Variants in DNAH7 observed in about 807,000 individuals in gnomAD.
DNAH7 encodes the protein dynein axonemal heavy chain 7.
Under a neutral mutation model 444.6 loss-of-function variants are expected in DNAH7, and 397 were observed. That is an observed-to-expected ratio of 0.89 (90% CI 0.82 to 0.97). The LOEUF (loss-of-function observed/expected upper bound fraction) is 0.97. DNAH7 is among the 50% of genes least tolerant of loss of function. DNAH7 has a pLI of 0.00. For missense variants in DNAH7, 4,902 were observed against 4,800.8 expected (o/e 1.02, Z -0.62); for synonymous variants, 1,636 against 1,624.4 (o/e 1.01, Z -0.17).
At chr2:196,058,855 T>C (rs1442430175) in intron 1 of DNAH7, among the ~76,000 whole-genome samples, 2 of 152,142 alleles carry the variant, frequency 1.3e-5, no homozygotes, top group Non-Finnish European at 2.9e-5. Context: ...AACATGGAAA[T>C]GTATCAAGAA....
chr2:196,007,517 G>T (rs967832174), intron 10 of DNAH7, among the ~76,000 whole-genome samples: 1 of 152,104 alleles, frequency 6.6e-6, no homozygotes, highest in Non-Finnish European at 1.5e-5. Context: ...GTAAATCTTG[G>T]TGGCTTTGGA....
At chr2:196,041,654 A>AT (rs1028889721) in intron 5 of DNAH7, among the ~76,000 whole-genome samples, 24 of 152,064 alleles carry the variant, frequency 1.6e-4, no homozygotes, top group Admixed American at 1.4e-3. Flanking sequence ...CTGGGCAAAG[A>AT]TTTTTTGGGG....
chr2:195,820,416 A>C lies in DNAH7; in HGVS notation c.9292-2587T>G, dbSNP rs535936275. 5.3e-5 allele frequency among the ~76,000 whole-genome samples: 8 copies of C among 152,062 alleles called. No homozygotes were observed. The South Asian group carries it at 1.7e-3, about 32-fold the overall frequency. On this transcript the variant is annotated intron_variant, in intron 49 of 64. Transcript: ENST00000312428. ...ATCATAGTATATGTATACCTATGTA[A>C]CAAACCTGCACGCTCTGCACATGTA...
Position 195,753,613 on chromosome 2 carries a change from G to A in DNAH7, c.11764+724C>T, listed in dbSNP as rs774628120. The stretch of plus-strand genomic sequence containing the variant: ...CTAGTTAAAGCAGTACACATTAACA[G>A]GCACTTAGAGATTAATGTCATTTAT... On this transcript the variant is annotated intron_variant, in intron 63 of 64. Transcript: ENST00000312428. Among the ~76,000 whole-genome samples, 80 of 152,150 alleles carry A rather than the reference G, an allele frequency of 5.3e-4. 1 individual carries two copies. The highest frequency in any genetic ancestry group is 1.0e-4 in the Non-Finnish European group (7 of 68,028).
intron 10 of DNAH7, among the ~76,000 whole-genome samples, chr2:196,003,372 T>C (rs374321226): frequency 6.6e-6 from 1 of 152,156 alleles, no homozygotes; most frequent in Non-Finnish European, 1.5e-5. Flanking sequence ...TCTGCAGAAC[T>C]GGAAAGAGGA....
At chr2:196,023,766 A>C (rs1040960271) in intron 8 of DNAH7, among the ~76,000 whole-genome samples, 2 of 152,176 alleles carry the variant, frequency 1.3e-5, no homozygotes, top group African/African-American at 4.8e-5. Flanking sequence ...GCTGTGGCCT[A>C]TCTTGGCTTT....
chr2:195,939,581 C>A (rs1689284110), intron 19 of DNAH7, among the ~76,000 whole-genome samples: 1 of 152,070 alleles, frequency 6.6e-6, no homozygotes, highest in African/African-American at 2.4e-5. Context: ...AGTATGACTT[C>A]TTTGACACTT....
rs181836880 is a variant in DNAH7, at chr2:195,998,302, C to T, written c.1353+2402G>A. Among the ~76,000 whole-genome samples, 296 of 152,078 alleles carry T rather than the reference C, an allele frequency of 1.9e-3. 1 individual carries two copies. Among genetic ancestry groups the T allele is most frequent in the African/African-American group, 6.7e-3 (276 of 41,482 alleles). Reference sequence around the variant, plus strand: ...TAATTATAAAAGTTATGGCTGGGTGCGGTGGCTCATGCCTATAATCCCAGC... The same window carrying T: ...TAATTATAAAAGTTATGGCTGGGTGTGGTGGCTCATGCCTATAATCCCAGC... On this transcript the variant is annotated intron_variant, in intron 12 of 64. Transcript: ENST00000312428.
intron 8 of DNAH7, among the ~76,000 whole-genome samples, chr2:196,023,619 G>C (rs2125768022): frequency 6.6e-6 from 1 of 152,278 alleles, no homozygotes; most frequent in African/African-American, 2.4e-5. Context: ...GTCATGGCTG[G>C]TTTGATCTTC....
intron 24 of DNAH7, 82 bp downstream of exon 24, chr2:195,922,006 C>A: frequency 2.5e-6 from 2 of 792,182 alleles, no homozygotes; most frequent in South Asian, 3.3e-5. Context: ...GTATGAGAGA[C>A]AATTTGGTAT....
At chr2:195,772,039 A>C in intron 60 of DNAH7, 149 bp from the exon 61 acceptor site, 2 of 697,426 alleles carry the variant, frequency 2.9e-6, no homozygotes, top group Non-Finnish European at 4.9e-6. Flanking sequence ...TATTAAAGTG[A>C]TGGTAACAGG....
chr2:195,745,096 A>G (rs1053484661), intron 63 of DNAH7, among the ~76,000 whole-genome samples: 2 of 152,214 alleles, frequency 1.3e-5, no homozygotes, highest in African/African-American at 2.4e-5. Context: ...CAAAGAAGTT[A>G]AAAACTTTGA....
chr2:196,039,302 C>A (rs1696582053), intron 5 of DNAH7, among the ~76,000 whole-genome samples: 1 of 151,848 alleles, frequency 6.6e-6, no homozygotes. Flanking sequence ...TTTCTTGAAA[C>A]AAATAAAAAT....
At chr2:196,042,537 G>A (rs1036058733) in intron 5 of DNAH7, among the ~76,000 whole-genome samples, 1 of 151,882 alleles carries the variant, frequency 6.6e-6, no homozygotes, top group Non-Finnish European at 1.5e-5. Context: ...TAAAAAAAGG[G>A]CCAAATATTT....
intron 30 of DNAH7, 146 bp from the exon 31 acceptor site, chr2:195,891,950 C>A: frequency 1.9e-6 from 1 of 538,282 alleles, no homozygotes. Context: ...CATACAAGGT[C>A]AATATATAAA....
intron 38 of DNAH7, 103 bp downstream of exon 38, chr2:195,875,570 TAC>T (rs1330448636): frequency 2.1e-5 from 22 of 1,069,572 alleles, no homozygotes; most frequent in Middle Eastern, 6.3e-4. Flanking sequence ...AGAAAACATA[TAC>T]ACAAAACACT....
intron 36 of DNAH7, among the ~76,000 whole-genome samples, chr2:195,880,562 C>T (rs1185248345): frequency 6.6e-6 from 1 of 151,956 alleles, no homozygotes; most frequent in African/African-American, 2.4e-5. Flanking sequence ...CCAGGATGGT[C>T]TCAATCTCCT....
chr2:195,747,733 A>T (rs1283489042), intron 63 of DNAH7, among the ~76,000 whole-genome samples: 1 of 152,304 alleles, frequency 6.6e-6, no homozygotes, highest in South Asian at 2.1e-4. Flanking sequence ...AAAGACAAAA[A>T]CCACATGATT....
chr2:195,994,870 AG>A (rs1164168662), intron 12 of DNAH7: 3 of 412,812 alleles, frequency 7.3e-6, no homozygotes, highest in African/African-American at 4.2e-5. Context: ...TTCTTTTGAC[AG>A]GCCTTGACAT....
Sources: gnomAD v4.1 joint callset for allele counts (sites outside exome capture counted in the v4.1 genomes callset) on GRCh38, gnomAD v4.1.1 for gene constraint, MANE v1.5 for transcripts, NCBI Gene and HGNC (gene_info 2026-07-23, HGNC 2026-07-21) for gene names.